TCAIM: variants seen among roughly 807,000 people sequenced by gnomAD.
TCAIM encodes T cell activation inhibitor, mitochondrial, also known as T-cell activation inhibitor, mitochondrial.
A neutral mutation model predicts 58.6 loss-of-function variants in TCAIM; 36 were observed. The observed-to-expected ratio is 0.61, with a 90% CI of 0.47 to 0.81. The LOEUF (loss-of-function observed/expected upper bound fraction) is 0.81, where lower values mean the gene tolerates loss of function less well. Among genes scored for constraint, TCAIM ranks in the 30% least tolerant of loss-of-function variants. The pLI, the probability that TCAIM is intolerant of heterozygous loss-of-function variation, is 0.00. For synonymous variants in TCAIM, 172 were observed against 193.6 expected (o/e 0.89, Z 0.93); for missense variants, 466 against 579.6 (o/e 0.80, Z 2.01).
intron 1 of TCAIM, among the ~76,000 whole-genome samples, chr3:44,342,387 A>G (rs1310419219): frequency 6.6e-6 from 1 of 152,194 alleles, no homozygotes; most frequent in Non-Finnish European, 1.5e-5. Context: ...GAAAAAGCAC[A>G]CACCACTCAA....
intron 1 of TCAIM, among the ~76,000 whole-genome samples, chr3:44,342,515 G>T (rs1391159748): frequency 6.6e-6 from 1 of 152,094 alleles, no homozygotes; most frequent in Non-Finnish European, 1.5e-5. Flanking sequence ...TCTAGGAGTA[G>T]CTTTATTTAT....
chr3:44,366,974 A>G (rs185855985), intron 4 of TCAIM, among the ~76,000 whole-genome samples: 1 of 152,316 alleles, frequency 6.6e-6, no homozygotes, highest in East Asian at 1.9e-4. Context: ...ATCTCCTTCA[A>G]TCATAGAGAA....
intron 10 of TCAIM, 30 bp downstream of exon 10, chr3:44,401,364 G>A (rs779417072): frequency 6.2e-7 from 1 of 1,611,766 alleles, no homozygotes; most frequent in South Asian, 1.1e-5. Context: ...TGTAAAGTCA[G>A]ATCATTCAGT....
chr3:44,386,889 C>G (rs1299699194), intron 5 of TCAIM, among the ~76,000 whole-genome samples: 2 of 152,208 alleles, frequency 1.3e-5, no homozygotes, highest in Admixed American at 1.3e-4. Flanking sequence ...GGCCAGGTCC[C>G]TGATGAAACC....
At chr3:44,364,365 G>A (rs1701339398) in intron 4 of TCAIM, among the ~76,000 whole-genome samples, 1 of 152,094 alleles carries the variant, frequency 6.6e-6, no homozygotes, top group South Asian at 2.1e-4. Flanking sequence ...AAATAAACCA[G>A]AGTAGTTCCA....
chr3:44,362,480 C>T (rs191171475), intron 4 of TCAIM: 13 of 400,856 alleles, frequency 3.2e-5, no homozygotes, highest in Non-Finnish European at 5.3e-5. Context: ...TTGAAGACAA[C>T]TCCTCACCCA....
intron 2 of TCAIM, 25 bp downstream of exon 2, chr3:44,354,836 A>G (rs757006685): frequency 1.2e-5 from 19 of 1,606,848 alleles, no homozygotes; most frequent in Non-Finnish European, 2.5e-6. Context: ...CCAATCTGTA[A>G]TTAGTATTGT....
chr3:44,393,758 A>AAAT (rs1037085381), intron 6 of TCAIM, among the ~76,000 whole-genome samples: 4 of 152,040 alleles, frequency 2.6e-5, no homozygotes, highest in Non-Finnish European at 4.4e-5. Flanking sequence ...CCTCATCTCT[A>AAAT]AATAATAATA....
rs765468418 is a variant in TCAIM, at chr3:44,392,931, C to G, written c.649C>G (p.Arg217Gly). The G allele has an allele frequency of 2.5e-6, 4 of 1,612,968 alleles. No individual in the cohort carries two copies. Among genetic ancestry groups the G allele is most frequent in the Admixed American group, 3.3e-5 (2 of 59,962 alleles). ...NSLPLRKELD[R>G]LKDELSHQLQ... Reference sequence around the variant, plus strand: ...TTTGCCACTTAGAAAAGAACTAGATCGTTTAAAAGATGAACTGTCTCATCA... The same window carrying G: ...TTTGCCACTTAGAAAAGAACTAGATGGTTTAAAAGATGAACTGTCTCATCA... The change falls in exon 6 of 11, where the codon CGT becomes GGT. Residue 217 changes from arginine (R) to glycine (G), a missense_variant. Coordinates refer to ENST00000342649, the MANE Select transcript of TCAIM (RefSeq NM_173826.4).
rs924117339 is a variant in TCAIM at position 44,358,794 on chromosome 3, T to C, written c.165+918T>C. ...CCTTCTATTTTCATTAACACTGATA[T>C]CTAGTTTAATATGAAAAGGAACTTG... On this transcript the variant is annotated intron_variant, in intron 3 of 10. Coordinates refer to ENST00000342649, the MANE Select transcript of TCAIM (RefSeq NM_173826.4). 13 of 985,314 alleles carry C rather than the reference T, an allele frequency of 1.3e-5. No individual in the cohort carries two copies. The South Asian group carries it at 1.9e-4, about 14-fold the overall frequency. The allele number at this position is 985,314 out of a possible 1,614,324, so 61.0% of individuals were successfully genotyped here.
chr3:44,344,236 T>A (rs1700917373), intron 1 of TCAIM, among the ~76,000 whole-genome samples: 1 of 152,116 alleles, frequency 6.6e-6, no homozygotes, highest in African/African-American at 2.4e-5. Flanking sequence ...GGTCTTGAAC[T>A]CCTGCCCATT....
At chr3:44,364,707 C>T (rs1039581389) in intron 4 of TCAIM, among the ~76,000 whole-genome samples, 2 of 150,208 alleles carry the variant, frequency 1.3e-5, no homozygotes, top group African/African-American at 4.9e-5. Flanking sequence ...GCAGGCACCA[C>T]TGCACTCCAG....
rs769476833 is a variant in TCAIM, at chr3:44,392,852, T to C, written c.573-3T>C. The C allele has an allele frequency of 1.2e-6, 2 of 1,611,418 alleles. No homozygotes were observed. The highest frequency in any genetic ancestry group is 1.7e-6 in the Non-Finnish European group (2 of 1,178,668). On this transcript the variant is annotated splice_polypyrimidine_tract_variant and splice_region_variant and intron_variant, in intron 5 of 10. Transcript: ENST00000342649. ...TGTAAAGTATGTATCTCTCTCTTTC[T>C]AGATCCTGGTTAGATAACAATGGGA...
At chr3:44,340,379 C>G (rs1481857938) in intron 1 of TCAIM, 1 of 152,218 alleles carries the variant, frequency 6.6e-6, no homozygotes, top group African/African-American at 2.4e-5. Context: ...TCTGTTCTTA[C>G]AAGGTTGAAG....
At chr3:44,360,554 C>A (rs1701279325) in intron 3 of TCAIM, among the ~76,000 whole-genome samples, 2 of 150,702 alleles carry the variant, frequency 1.3e-5, no homozygotes, top group South Asian at 4.2e-4. Flanking sequence ...TTCCTATATT[C>A]CTGTTTCGTT....
chr3:44,374,437 C>T (rs1701533203), intron 5 of TCAIM, among the ~76,000 whole-genome samples: 3 of 151,940 alleles, frequency 2.0e-5, no homozygotes, highest in South Asian at 2.1e-4. Context: ...TATTTCTTAC[C>T]ATGTGTTGCC....
Position 44,370,194 on chromosome 3 carries a change from G to C in TCAIM, c.572+2486G>C, listed in dbSNP as rs114373473. On this transcript the variant is annotated intron_variant, in intron 5 of 10. Transcript: ENST00000342649. Reference sequence around the variant, plus strand: ...CTCTGACTTGTTGTCTACCCTTTAAGAGTATAGCAACATAAAAAATGCCTT... The same window carrying C: ...CTCTGACTTGTTGTCTACCCTTTAACAGTATAGCAACATAAAAAATGCCTT... 3.9e-3 allele frequency among the ~76,000 whole-genome samples: 587 copies of C among 152,230 alleles called. 2 individuals carry two copies. Among genetic ancestry groups the C allele is most frequent in the African/African-American group, 0.013 (558 of 41,548 alleles).
chr3:44,381,356 C>T (rs1361824451), intron 5 of TCAIM, among the ~76,000 whole-genome samples: 1 of 151,814 alleles, frequency 6.6e-6, no homozygotes, highest in Admixed American at 6.6e-5. Context: ...AAGGAGAAAC[C>T]CCACGTGATC....
chr3:44,407,942 C>T lies in TCAIM; in HGVS notation c.*260C>T. ...ACTTGAGCCCAGGAGGCCAAGGTTG[C>T]AGTGGGCCCAGATTGCACCATTGCC... On this transcript the variant is annotated 3_prime_UTR_variant, in exon 11 of 11. Transcript: ENST00000342649. 1 of 279,314 alleles carries T rather than the reference C, an allele frequency of 3.6e-6. No homozygotes were observed. Among genetic ancestry groups the T allele is most frequent in the Admixed American group, 5.1e-5 (1 of 19,498 alleles). The allele number at this position is 279,314 out of a possible 1,614,324, so 17.3% of individuals were successfully genotyped here.
Sources: allele counts gnomAD v4.1 joint callset (sites outside exome capture counted in the v4.1 genomes callset), GRCh38; gene constraint gnomAD v4.1.1; transcripts MANE v1.5; gene names NCBI Gene and HGNC (gene_info 2026-07-23, HGNC 2026-07-21).